AGAP2: variants seen among roughly 807,000 people sequenced by gnomAD.
AGAP2 encodes the protein ArfGAP with GTPase domain, ankyrin repeat and PH domain 2.
Under a neutral mutation model 110.9 loss-of-function variants are expected in AGAP2, and 32 were observed. That is an observed-to-expected ratio of 0.29 (90% CI 0.22 to 0.39). The LOEUF (loss-of-function observed/expected upper bound fraction) is 0.39. Among genes scored for constraint, AGAP2 ranks in the 10% least tolerant of loss-of-function variants. AGAP2 has a pLI of 1.00. For synonymous variants in AGAP2, 702 were observed against 713.0 expected (o/e 0.98, Z 0.25); for missense variants, 1,285 against 1,638.5 (o/e 0.78, Z 3.72).
At position 57,730,815 on chromosome 12, in the gene AGAP2, T is replaced by C; in HGVS notation, c.2284A>G (p.Thr762Ala). ...SINGLVKDMSTVQMGEGLEAT... is the reference protein window; with the variant it reads ...SINGLVKDMSAVQMGEGLEAT... ...CCCAGGCCTTCACCCATCTGGACAG[T>C]GCTCATGTCCTTGACGAGCCCGTTA... is the stretch of plus-strand genomic sequence containing the variant. Residue 762 changes from threonine (T) to alanine (A), a missense_variant, in exon 11 of 19, where the codon ACT becomes GCT. Transcript: ENST00000547588. 6.2e-7 allele frequency: 1 copy of C among 1,614,072 alleles called. No individual in the cohort carries two copies. Among genetic ancestry groups the C allele is most frequent in the Non-Finnish European group, 8.5e-7 (1 of 1,180,032 alleles).
At chr12:57,733,994 T>C in intron 5 of AGAP2, 32 bp downstream of exon 5, 3 of 1,536,204 alleles carry the variant, frequency 2.0e-6, no homozygotes, top group South Asian at 2.5e-5. Context: ...AGGGCCTCCC[T>C]TGAAAGCAGT....
In AGAP2 at chr12:57,738,192, G is replaced by A. The variant is rs1404667713; in HGVS notation, c.55C>T (p.Leu19=). The A allele has an allele frequency of 2.0e-6, 3 of 1,525,676 alleles. No homozygotes were observed. In the African/African-American group the frequency reaches 4.2e-5, roughly 21 times the overall value. The allele number at this position is 1,525,676 out of a possible 1,614,324, so 94.5% of individuals were successfully genotyped here. ...ACCGACTCGAGCTTAACCAGGGTCA[G>A]CGAGATGAGGTAGGTCGTTGTCCGG... ...QRRTTTYLIS[L]TLVKLESVPP... is the part of the protein sequence containing the mutation. Residue 19 remains leucine (L), a synonymous_variant, in exon 1 of 19, where the codon CTG becomes TTG. Transcript: ENST00000547588. The surrounding 1 kb of genome is among the most constrained non-coding windows in gnomAD (Gnocchi z 6.7).
rs1954907628 is a variant in AGAP2 at position 57,732,599 on chromosome 12, A to G, written c.1685-87T>C. 3.7e-6 allele frequency: 5 copies of G among 1,338,570 alleles called. No homozygotes were observed. In the Admixed American group the frequency reaches 1.0e-4, roughly 28 times the overall value. The allele number at this position is 1,338,570 out of a possible 1,614,324, so 82.9% of individuals were successfully genotyped here. A position where few individuals can be genotyped will look rare whatever the true frequency, so the allele number is the denominator to read the frequency against. On this transcript the variant is annotated intron_variant, in intron 6 of 18. Transcript: ENST00000547588. The stretch of plus-strand genomic sequence containing the variant: ...CCCAGCTTTGAGAAATCCCCAGTAG[A>G]CAACACAGGACCCAACTTCCTTGTC...
upstream of AGAP2, chr12:57,739,918 T>TC (rs1159921751): frequency 6.6e-6 from 1 of 152,240 alleles, no homozygotes; most frequent in Non-Finnish European, 1.5e-5. Context: ...CTGCTCCGTG[T>TC]CCCCCACCCC....
At position 57,731,375 on chromosome 12, in the gene AGAP2, G is replaced by C. The variant is rs768434571; in HGVS notation, c.2136C>G (p.Pro712=). The stretch of plus-strand genomic sequence containing the variant: ...AGTCTCTGCCACTCACGTTAATACT[G>C]GGGTGGTAGAGTAGAAAGCCATTAC... ...LSSNGFLLYH[P]SINDYIHSTH... Residue 712 remains proline, a synonymous_variant, in exon 10 of 19, where the codon CCC becomes CCG. Transcript: ENST00000547588. 6.2e-7 allele frequency: 1 copy of C among 1,612,966 alleles called. No individual in the cohort carries two copies. Among genetic ancestry groups the C allele is most frequent in the Non-Finnish European group, 8.5e-7 (1 of 1,178,938 alleles).
Position 57,728,029 on chromosome 12 carries a change from C to T in AGAP2, c.2674G>A (p.Ala892Thr), listed in dbSNP as rs1207095020. The T allele has an allele frequency of 6.2e-7, 1 of 1,613,200 alleles. No individual in the cohort carries two copies. The highest frequency in any genetic ancestry group is 1.7e-5 in the Admixed American group (1 of 59,972). ...GCATCCCGCTCCTCAAAACTGGCTG[C>T]CTCAAAGTGCCACGTCTGACCCGTG... Reference protein sequence around the residue: ...SSTGQTWHFEAASFEERDAWV... With the variant: ...SSTGQTWHFETASFEERDAWV... The change falls in exon 15 of 19, where the codon GCA becomes ACA. Residue 892 changes from alanine (A) to threonine (T), a missense_variant. Physicochemically the swap from Ala to Thr is moderately conservative, Grantham distance 58. Around this residue, in one of 7 missense-constraint regions of AGAP2, gnomAD observed 25 missense variants for 67.5 expected, o/e 0.37. Transcript: ENST00000547588.
intron 15 of AGAP2, 51 bp from the exon 16 acceptor site, chr12:57,727,822 C>T (rs1315286117): frequency 6.3e-7 from 1 of 1,577,210 alleles, no homozygotes; most frequent in South Asian, 1.2e-5. Context: ...GCCCCACCTC[C>T]TTCTCAGACA....
rs1441633601 is a variant in AGAP2 at position 57,731,599 on chromosome 12, C to G, written c.1997G>C (p.Arg666Pro). Residue 666 changes from arginine (R) to proline (P), a missense_variant, in exon 9 of 19, where the codon CGG becomes CCG. This residue lies in a region of AGAP2 where 844 missense variants were observed against 941.2 expected (regional missense o/e 0.90). Transcript: ENST00000547588. Reference sequence around the variant, plus strand: ...TCGCCCACTCCCTGTTGTCTCTCCCCGACTATCCAAGCTTCGTTTCTCGGA... The same window carrying G: ...TCGCCCACTCCCTGTTGTCTCTCCCGGACTATCCAAGCTTCGTTTCTCGGA... The part of the protein sequence containing the change: ...SDSEKRSLDS[R>P]GETTGSGRAI... 2 of 1,613,908 alleles carry G rather than the reference C, an allele frequency of 1.2e-6. No individual in the cohort carries two copies. The highest frequency in any genetic ancestry group is 3.3e-5 in the Admixed American group (2 of 59,992).
In AGAP2 at chr12:57,737,752, G is replaced by T; in HGVS notation, c.495C>A (p.Gly165=). 2 of 1,537,860 alleles carry T rather than the reference G, an allele frequency of 1.3e-6. No homozygotes were observed. Among genetic ancestry groups the T allele is most frequent in the Non-Finnish European group, 8.7e-7 (1 of 1,147,412 alleles). The change falls in exon 1 of 19, where the codon GGC becomes GGA. Residue 165 remains glycine, a synonymous_variant. Coordinates refer to ENST00000547588, the MANE Select transcript of AGAP2 (RefSeq NM_001122772.3). This position sits in a 1 kb window ranked among gnomAD's most constrained non-coding sequence, Gnocchi z 5.9. ...CGGTGCCAGGGTGCGGAGAGGATGA[G>T]CCAGGGATGCCGCCGCCCGCCCGGC... The part of the protein sequence containing the change: ...PEGRAGGGIP[G]SSSPHPGTGS...
Position 57,735,750 on chromosome 12 carries a change from G to C in AGAP2, c.1169-323C>G, listed in dbSNP as rs75203339. Among the ~76,000 whole-genome samples, 1,083 of 152,342 alleles carry C rather than the reference G, an allele frequency of 7.1e-3. 15 individuals are homozygous for C. The highest frequency in any genetic ancestry group is 0.025 in the African/African-American group (1,028 of 41,572). ...GGAGACCAGGGCTCTGACAGTGGCA[G>C]GTTCTTCCCTCTGGAAAAAGAATAG... On this transcript the variant is annotated intron_variant, in intron 1 of 18. Coordinates refer to ENST00000547588, the MANE Select transcript of AGAP2 (RefSeq NM_001122772.3).
chr12:57,735,129 G>A (rs1211297407), intron 2 of AGAP2, among the ~76,000 whole-genome samples: 1 of 152,092 alleles, frequency 6.6e-6, no homozygotes, highest in Non-Finnish European at 1.5e-5. Context: ...GCCTGGAGGA[G>A]GACCATGAAC....
intron 8 of AGAP2, 72 bp from the exon 9 acceptor site, chr12:57,731,714 T>C (rs1170977622): frequency 6.2e-7 from 1 of 1,603,468 alleles, no homozygotes; most frequent in African/African-American, 1.3e-5. Flanking sequence ...GGAAGATAGA[T>C]GAAGAAGGGC....
chr12:57,738,799 T>TA (rs1433363443), upstream of AGAP2, among the ~76,000 whole-genome samples: 1 of 119,982 alleles, frequency 8.3e-6, no homozygotes, highest in African/African-American at 3.2e-5. The surrounding 1 kb of genome is among the most constrained non-coding windows in gnomAD (Gnocchi z 6.7). Flanking sequence ...GGGATGGAGA[T>TA]ACAGGAGGCG....
At chr12:57,728,784 T>G (rs1595082873) in intron 13 of AGAP2, among the ~76,000 whole-genome samples, 1 of 150,450 alleles carries the variant, frequency 6.6e-6, no homozygotes, top group African/African-American at 2.5e-5. Context: ...CTGGTGGCGG[T>G]GGGGGTGCGG....
chr12:57,734,039 C>A lies in AGAP2; in HGVS notation c.1536G>T (p.Leu512=), dbSNP rs763873485. 1 of 1,597,114 alleles carries A rather than the reference C, an allele frequency of 6.3e-7. No individual in the cohort carries two copies. Among genetic ancestry groups the A allele is most frequent in the Non-Finnish European group, 8.5e-7 (1 of 1,172,094 alleles). Residue 512 remains leucine, a synonymous_variant, in exon 5 of 19, where the codon CTG becomes CTT. Coordinates refer to ENST00000547588, the MANE Select transcript of AGAP2 (RefSeq NM_001122772.3). ...ACCCCTCCTTACCTTGTGTCCCCAC[C>A]AGTGCCAAGGCCAGGCCTCCTCGTC... is the stretch of plus-strand genomic sequence containing the variant. ...GEGRGGLALA[L]VGTQDRISAS... is the part of the protein sequence containing the mutation.
At chr12:57,732,723 C>T (rs1231989586) in intron 6 of AGAP2, 122 bp downstream of exon 6, 1 of 1,512,256 alleles carries the variant, frequency 6.6e-7, no homozygotes, top group Non-Finnish European at 8.9e-7. Flanking sequence ...CTGATCTCTC[C>T]TCCCTCCCAC....
In AGAP2 at chr12:57,731,634, C is replaced by T; in HGVS notation, c.1962G>A (p.Arg654=). Residue 654 remains arginine (R), a synonymous_variant, in exon 9 of 19, where the codon CGG becomes CGA. Coordinates refer to ENST00000547588, the MANE Select transcript of AGAP2 (RefSeq NM_001122772.3). ...KRRTSLFANR[R]GSDSEKRSLD... is the part of the protein sequence containing the mutation. ...AGCTTCGTTTCTCGGAGTCACTACC[C>T]CGACGATTCTGGAATGGTTATTGGA... 1 of 1,614,082 alleles carries T rather than the reference C, an allele frequency of 6.2e-7. No individual in the cohort carries two copies. The highest frequency in any genetic ancestry group is 8.5e-7 in the Non-Finnish European group (1 of 1,180,026).
At chr12:57,739,826 T>A (rs1253733876), upstream of AGAP2, 2 of 152,174 alleles carry the variant, frequency 1.3e-5, no homozygotes, top group Non-Finnish European at 2.9e-5. Context: ...TCTTCAGGGT[T>A]CCCTTTCAGT....
intron 14 of AGAP2, 77 bp from the exon 15 acceptor site, chr12:57,728,162 G>T: frequency 6.5e-7 from 1 of 1,543,666 alleles, no homozygotes; most frequent in Non-Finnish European, 8.8e-7. Flanking sequence ...CGTCCTCCCT[G>T]ATGTCCATCC....
Sources: gnomAD v4.1 joint callset for allele counts (sites outside exome capture counted in the v4.1 genomes callset) on GRCh38, gnomAD v4.1.1 for gene constraint, gnomAD v4.1.1 regional missense constraint, Gnocchi (gnomAD v3.1) non-coding constraint, MANE v1.5 for transcripts, NCBI Gene and HGNC (gene_info 2026-07-23, HGNC 2026-07-21) for gene names.